Variants in NBEAL1 observed in about 807,000 individuals in gnomAD.
NBEAL1 encodes the protein neurobeachin like 1.
NBEAL1 carries 273 observed loss-of-function variants against 351.3 expected under a neutral mutation model. The ratio of observed to expected loss-of-function variants is 0.78; its 90% CI spans 0.70 to 0.86. The LOEUF is 0.86. Among genes scored for constraint, NBEAL1 ranks in the 40% least tolerant of loss-of-function variants. The pLI is 0.00. For missense variants in NBEAL1, 2,961 were observed against 3,201.3 expected (o/e 0.92, Z 1.81); for synonymous variants, 1,050 against 1,086.4 (o/e 0.97, Z 0.66).
Position 203,107,849 on chromosome 2 carries a change from C to G in NBEAL1, c.1610C>G (p.Ala537Gly). Residue 537 changes from alanine to glycine, a missense_variant, in exon 14 of 56, where the codon GCT becomes GGT. By Grantham distance (60) the Ala-to-Gly change is moderately conservative. Transcript: ENST00000683969. ...DLHSSLHQTC[A>G]ENLIAIHGSL... ...CATTCTTCCCTCCATCAAACTTGTG[C>G]TGAGAACTTGATTGCAATCCATGGT... 6.4e-7 allele frequency: 1 copy of G among 1,554,458 alleles called. No homozygotes were observed. Among genetic ancestry groups the G allele is most frequent in the Non-Finnish European group, 8.7e-7 (1 of 1,147,750 alleles).
At position 203,138,253 on chromosome 2, in the gene NBEAL1, C is replaced by A; in HGVS notation, c.4657C>A (p.Leu1553Met). ...VTAENAFRLVLIIQDFLQSEG... is the reference protein window; with the variant it reads ...VTAENAFRLVMIIQDFLQSEG... ...TGCTGAAAACGCCTTCCGACTAGTG[C>A]TGATCATACAGGACTTTCTTCAGTC... The change falls in exon 30 of 56, where the codon CTG becomes ATG. Residue 1553 changes from leucine (L) to methionine (M), a missense_variant. Physicochemically the swap from Leu to Met is conservative, Grantham distance 15. Transcript: ENST00000683969. 1 of 1,614,020 alleles carries A rather than the reference C, an allele frequency of 6.2e-7. No homozygotes were observed. The highest frequency in any genetic ancestry group is 8.5e-7 in the Non-Finnish European group (1 of 1,179,920).
intron 42 of NBEAL1, among the ~76,000 whole-genome samples, chr2:203,175,515 T>C (rs2064472666): frequency 2.0e-5 from 3 of 152,250 alleles, no homozygotes; most frequent in Admixed American, 1.3e-4. Flanking sequence ...TGATTCTTAC[T>C]GTTTTGAGGA....
rs752771981 is a variant in NBEAL1, at chr2:203,083,382, A to G, written c.848A>G (p.Asn283Ser). The G allele has an allele frequency of 1.3e-6, 2 of 1,555,356 alleles. No individual in the cohort carries two copies. Among genetic ancestry groups the G allele is most frequent in the African/African-American group, 2.7e-5 (2 of 73,660 alleles). The part of the protein sequence containing the change: ...TEVVHILLSS[N>S]SDQRQVETST... ...GTGGTACATATCCTTCTCAGTAGCA[A>G]CTCTGATCAGCGTCAAGTGGAAACC... The change falls in exon 9 of 56, where the codon AAC becomes AGC. Residue 283 changes from asparagine to serine, a missense_variant. Asn to Ser is a conservative substitution (Grantham distance 46). Transcript: ENST00000683969.
At chr2:203,163,864 C>A (rs549202611) in intron 36 of NBEAL1, among the ~76,000 whole-genome samples, 2 of 152,164 alleles carry the variant, frequency 1.3e-5, no homozygotes, top group Non-Finnish European at 2.9e-5. Flanking sequence ...ATCTGCAATT[C>A]CCTTATGTAT....
chr2:203,051,933 C>T (rs1305468018), intron 4 of NBEAL1, among the ~76,000 whole-genome samples: 1 of 152,094 alleles, frequency 6.6e-6, no homozygotes, highest in Non-Finnish European at 1.5e-5. Context: ...TTCCCACATA[C>T]TCCTTTCCCA....
At position 203,131,524 on chromosome 2, in the gene NBEAL1, T is replaced by C. The variant is rs180931404; in HGVS notation, c.3565-449T>C. ...AGCCACTGTGCCCAGTCCAGTTTAT[T>C]CTTAAATCCATTTTTACATTATACT... On this transcript the variant is annotated intron_variant, in intron 25 of 55. Transcript: ENST00000683969. 3.3e-5 allele frequency among the ~76,000 whole-genome samples: 5 copies of C among 152,324 alleles called. No individual in the cohort carries two copies. The East Asian group carries it at 9.6e-4, about 29-fold the overall frequency.
At chr2:203,201,909 ATAAAT>A (rs879566693) in intron 50 of NBEAL1, among the ~76,000 whole-genome samples, 194 bp downstream of exon 50, 1 of 152,142 alleles carries the variant, frequency 6.6e-6, no homozygotes, top group African/African-American at 2.4e-5. Context: ...AAAGCACCAC[ATAAAT>A]TAAATACATC....
rs529476294 is a variant in NBEAL1 at position 203,132,750 on chromosome 2, TAA to T, written c.3725-307_3725-306del. On this transcript the variant is annotated intron_variant, in intron 26 of 55. Transcript: ENST00000683969. ...GCCAGATGCTGGGAGTTTGGGGATA[TAA>T]GATTCTTTGTCTTGATTAGTTTACA... is the stretch of plus-strand genomic sequence containing the variant. Among the ~76,000 whole-genome samples the T allele has an allele frequency of 1.2e-4, 18 of 152,254 alleles. No individual in the cohort carries two copies. The South Asian group carries it at 3.7e-3, about 32-fold the overall frequency.
chr2:203,061,062 T>C (rs2061491527), intron 6 of NBEAL1, among the ~76,000 whole-genome samples: 1 of 152,220 alleles, frequency 6.6e-6, no homozygotes, highest in Non-Finnish European at 1.5e-5. Context: ...AAGAAATTAC[T>C]ACACATTTAA....
intron 18 of NBEAL1, among the ~76,000 whole-genome samples, chr2:203,121,474 G>A (rs547478143): frequency 1.3e-4 from 19 of 151,278 alleles, no homozygotes; most frequent in African/African-American, 4.6e-4. Flanking sequence ...CCAACATGGT[G>A]AAACCCCATC....
chr2:203,216,305 T>C (rs985351453), intron 55 of NBEAL1, among the ~76,000 whole-genome samples: 3 of 152,230 alleles, frequency 2.0e-5, no homozygotes, highest in Non-Finnish European at 4.4e-5. Context: ...AATATTATTT[T>C]TGAAAGCCTT....
intron 31 of NBEAL1, among the ~76,000 whole-genome samples, chr2:203,141,849 C>G (rs550689984): frequency 3.9e-5 from 6 of 152,200 alleles, no homozygotes; most frequent in African/African-American, 1.2e-4. Context: ...AATAGAGCTG[C>G]CTGCAAACTT....
chr2:203,053,263 A>C (rs1237771953), intron 4 of NBEAL1, among the ~76,000 whole-genome samples: 1 of 152,074 alleles, frequency 6.6e-6, no homozygotes, highest in African/African-American at 2.4e-5. Context: ...TTTATATTTT[A>C]GCCATTTTAA....
chr2:203,131,665 CAT>C (rs776567490), intron 25 of NBEAL1, among the ~76,000 whole-genome samples: 2 of 152,172 alleles, frequency 1.3e-5, no homozygotes, highest in Non-Finnish European at 2.9e-5. Flanking sequence ...ACTTTTCACA[CAT>C]GTCTGCAATT....
chr2:203,103,803 G>A (rs1157692524), intron 12 of NBEAL1, among the ~76,000 whole-genome samples: 1 of 152,008 alleles, frequency 6.6e-6, no homozygotes, highest in Non-Finnish European at 1.5e-5. Flanking sequence ...CTTGTATGTT[G>A]TATCTTCTCA....
chr2:203,101,847 C>T (rs751869595), intron 12 of NBEAL1, among the ~76,000 whole-genome samples: 6 of 152,198 alleles, frequency 3.9e-5, no homozygotes, highest in East Asian at 3.9e-4. Context: ...CTGCCCACCT[C>T]GGCCTCCTAA....
chr2:203,208,875 T>C, intron 52 of NBEAL1, 122 bp downstream of exon 52: 1 of 710,818 alleles, frequency 1.4e-6, no homozygotes, highest in Non-Finnish European at 2.3e-6. Flanking sequence ...CATACTTGTA[T>C]AGGACTTTGC....
chr2:203,043,797 G>A (rs192050885), intron 3 of NBEAL1, among the ~76,000 whole-genome samples: 1 of 151,922 alleles, frequency 6.6e-6, no homozygotes, highest in African/African-American at 2.4e-5. Flanking sequence ...ATGAGAAAGA[G>A]TATCTGGAGA....
chr2:203,158,609 A>G (rs2063859123), intron 36 of NBEAL1, among the ~76,000 whole-genome samples: 1 of 152,124 alleles, frequency 6.6e-6, no homozygotes, highest in Admixed American at 6.6e-5. Flanking sequence ...ATACAGTTTC[A>G]TAGTTGCTGT....
Sources: allele counts gnomAD v4.1 joint callset (sites outside exome capture counted in the v4.1 genomes callset), GRCh38; gene constraint gnomAD v4.1.1; transcripts MANE v1.5; gene names NCBI Gene and HGNC (gene_info 2026-07-23, HGNC 2026-07-21).